Variants in LRP2 observed in about 807,000 individuals in gnomAD.
LRP2 encodes LDL receptor related protein 2.
In LRP2, 172 loss-of-function variants were observed where a neutral mutation model predicts 531.0. The observed-to-expected ratio is 0.32, with a 90% CI of 0.29 to 0.37. The LOEUF (loss-of-function observed/expected upper bound fraction) is 0.37, where lower values mean the gene tolerates loss of function less well. Ranked by LOEUF, LRP2 falls within the 10% of genes least tolerant of loss-of-function variation. The pLI, the probability that LRP2 is intolerant of heterozygous loss-of-function variation, is 1.00. For missense variants in LRP2, 5,167 were observed against 5,868.3 expected, an observed-to-expected ratio of 0.88 and a Z score of 3.90; for synonymous variants, 1,992 against 2,027.6, an observed-to-expected ratio of 0.98 and a Z score of 0.47.
chr2:169,331,352 A>G (rs1258180913), intron 1 of LRP2, among the ~76,000 whole-genome samples: 3 of 152,218 alleles, frequency 2.0e-5, no homozygotes, highest in Non-Finnish European at 4.4e-5. Flanking sequence ...ATTCAAAAGA[A>G]TGTCCAAGTT....
chr2:169,338,507 ATGCTTTATAGAG>A (rs1685483211), intron 1 of LRP2, among the ~76,000 whole-genome samples: 1 of 152,250 alleles, frequency 6.6e-6, no homozygotes, highest in Non-Finnish European at 1.5e-5. Context: ...TCCAGAAGGC[ATGCTTTATAGAG>A]TGCTCATTTG....
At chr2:169,307,500 C>A in intron 3 of LRP2, 103 bp from the exon 4 acceptor site, 2 of 762,950 alleles carry the variant, frequency 2.6e-6, no homozygotes, top group South Asian at 2.9e-5. Context: ...TTCATAGGGA[C>A]ACAAGGTAAA....
chr2:169,200,688 GT>G (rs1688176565), intron 44 of LRP2, among the ~76,000 whole-genome samples: 1 of 152,130 alleles, frequency 6.6e-6, no homozygotes, highest in South Asian at 2.1e-4. Context: ...CAAGCAAAAG[GT>G]ATTTATCCTG....
At chr2:169,203,876 C>G (rs555683689) in intron 42 of LRP2, 106 bp downstream of exon 42, 1 of 1,210,802 alleles carries the variant, frequency 8.3e-7, no homozygotes, top group African/African-American at 1.5e-5. Flanking sequence ...ACCCTGACAT[C>G]AAGGAGAATT....
intron 1 of LRP2, among the ~76,000 whole-genome samples, chr2:169,335,331 A>G (rs1404480598): frequency 6.6e-6 from 1 of 152,254 alleles, no homozygotes; most frequent in Non-Finnish European, 1.5e-5. Context: ...GAAATTGATG[A>G]TAAACATACA....
At position 169,247,531 on chromosome 2, in the gene LRP2, G is replaced by T. The variant is rs756353991; in HGVS notation, c.2771-16C>A. ...AATAAATGCTCTGAAAAGAAACATG[G>T]GTAGATTAGTATTTTCAGTCACAGC... On this transcript the variant is annotated splice_polypyrimidine_tract_variant and intron_variant, in intron 19 of 78. Coordinates refer to ENST00000649046, the MANE Select transcript of LRP2 (RefSeq NM_004525.3). The T allele has an allele frequency of 6.2e-7, 1 of 1,613,722 alleles. No individual in the cohort carries two copies. Among genetic ancestry groups the T allele is most frequent in the Non-Finnish European group, 8.5e-7 (1 of 1,179,772 alleles).
At chr2:169,334,526 T>G (rs1301471490) in intron 1 of LRP2, among the ~76,000 whole-genome samples, 1 of 152,130 alleles carries the variant, frequency 6.6e-6, no homozygotes, top group Non-Finnish European at 1.5e-5. Flanking sequence ...TTATAATAAT[T>G]AAGTAAAATT....
chr2:169,133,403 AAG>A (rs1236717469), intron 76 of LRP2, among the ~76,000 whole-genome samples: 1 of 152,240 alleles, frequency 6.6e-6, no homozygotes, highest in Non-Finnish European at 1.5e-5. Flanking sequence ...ATTTTATTTT[AAG>A]TGAAGATGTC....
At chr2:169,328,072 GC>G (rs1233915087) in intron 1 of LRP2, among the ~76,000 whole-genome samples, 2 of 138,060 alleles carry the variant, frequency 1.4e-5, no homozygotes, top group Admixed American at 7.0e-5. Context: ...GGTGGGGTCA[GC>G]CCCCCGCCCA....
chr2:169,336,264 G>A (rs1048746179), intron 1 of LRP2, among the ~76,000 whole-genome samples: 6 of 151,962 alleles, frequency 3.9e-5, no homozygotes, highest in Middle Eastern at 3.4e-3. Flanking sequence ...GAGGCCAGGC[G>A]CAGTGGCTCA....
intron 25 of LRP2, 30 bp from the exon 26 acceptor site, chr2:169,239,805 A>G: frequency 6.3e-7 from 1 of 1,579,294 alleles, no homozygotes; most frequent in Non-Finnish European, 8.7e-7. Context: ...TAATGAAAAA[A>G]GAAAATCAAG....
At chr2:169,274,996 G>C in intron 14 of LRP2, 40 bp downstream of exon 14, 1 of 1,593,486 alleles carries the variant, frequency 6.3e-7, no homozygotes, top group Non-Finnish European at 8.6e-7. Flanking sequence ...TTTCCACCAA[G>C]TCCGGTACCA....
At chr2:169,133,451 A>C (rs1193940417) in intron 76 of LRP2, among the ~76,000 whole-genome samples, 1 of 152,214 alleles carries the variant, frequency 6.6e-6, no homozygotes, top group African/African-American at 2.4e-5. Flanking sequence ...CATGTGATTA[A>C]AGTTTTCATA....
At chr2:169,318,976 ACTC>A in intron 2 of LRP2, 92 bp from the exon 3 acceptor site, 4 of 1,500,150 alleles carry the variant, frequency 2.7e-6, no homozygotes, top group Non-Finnish European at 3.7e-6. Context: ...TATCATGTAA[ACTC>A]CTGCTCAATT....
chr2:169,289,821 A>G (rs146671935), intron 8 of LRP2, among the ~76,000 whole-genome samples: 85 of 152,250 alleles, frequency 5.6e-4, no homozygotes, highest in African/African-American at 2.0e-3. Context: ...TCCAACTTTC[A>G]TACTGTGACT....
chr2:169,174,315 G>A, intron 55 of LRP2, 151 bp from the exon 56 acceptor site: 1 of 874,206 alleles, frequency 1.1e-6, no homozygotes, highest in East Asian at 2.6e-5. Flanking sequence ...ACTACATGGA[G>A]CACTTCTTCT....
intron 17 of LRP2, among the ~76,000 whole-genome samples, chr2:169,257,838 C>CAAAAAAAAAAAA (rs1690373701): frequency 7.6e-6 from 1 of 132,370 alleles, no homozygotes. Context: ...AAAAAAAAAA[C>CAAAAAAAAAAAA]ACAAAAAAAA....
At chr2:169,261,188 A>G (rs745428937) in intron 16 of LRP2, among the ~76,000 whole-genome samples, 3 of 152,058 alleles carry the variant, frequency 2.0e-5, no homozygotes, top group Non-Finnish European at 4.4e-5. Context: ...GGTAAGTTGC[A>G]TATTTTTTAG....
chr2:169,270,832 G>T, intron 16 of LRP2, 72 bp downstream of exon 16: 2 of 985,184 alleles, frequency 2.0e-6, no homozygotes, highest in Non-Finnish European at 3.1e-6. Context: ...TAATTATCAA[G>T]TTGTAAGTAT....
Sources: allele counts gnomAD v4.1 joint callset (sites outside exome capture counted in the v4.1 genomes callset), GRCh38; gene constraint gnomAD v4.1.1; transcripts MANE v1.5; gene names NCBI Gene and HGNC (gene_info 2026-07-23, HGNC 2026-07-21).